Variants in H3C6 observed in about 807,000 individuals in gnomAD.
H3C6 encodes histone H3.1.
Under a neutral mutation model 8.0 loss-of-function variants are expected in H3C6, and 17 were observed. The ratio of observed to expected loss-of-function variants is 2.13; its 90% CI spans 1.46 to 3.19. The LOEUF is 3.19. Ranked by LOEUF, H3C6 falls within the 30% of genes most tolerant of loss-of-function variation. H3C6 has a pLI of 0.00. For missense variants in H3C6, 298 were observed against 193.8 expected, an observed-to-expected ratio of 1.54 and a Z score of -3.19; for synonymous variants, 169 against 78.0, an observed-to-expected ratio of 2.17 and a Z score of -6.15.
downstream of H3C6, chr6:26,226,754 T>C (rs1581467186): frequency 6.6e-6 from 1 of 152,212 alleles, no homozygotes; most frequent in African/African-American, 2.4e-5. Flanking sequence ...GGAAGGAAAA[T>C]AAGGAATTCT....
chr6:26,226,685 G>A (rs886250460), downstream of H3C6: 14 of 152,196 alleles, frequency 9.2e-5, no homozygotes, highest in African/African-American at 2.7e-4. Flanking sequence ...AGTTCTTACA[G>A]AAAATATTCT....
chr6:26,227,183 A>G (rs1759589165), downstream of H3C6: 1 of 152,220 alleles, frequency 6.6e-6, no homozygotes, highest in Non-Finnish European at 1.5e-5. Flanking sequence ...CTACTGTCAG[A>G]TATTTGTAAC....
At chr6:26,227,445 G>T (rs1432250276), downstream of H3C6, 1 of 152,102 alleles carries the variant, frequency 6.6e-6, no homozygotes, top group Non-Finnish European at 1.5e-5. Flanking sequence ...GTCAAGTTGA[G>T]ATGTAAAATA....
chr6:26,225,708 G>C (rs764758968), downstream of H3C6: 4 of 1,053,986 alleles, frequency 3.8e-6, no homozygotes, highest in African/African-American at 1.6e-5. Flanking sequence ...GTGGCATTCA[G>C]TTCCCTCGAT....
At chr6:26,225,939 G>C (rs560167836), downstream of H3C6, 1 of 175,020 alleles carries the variant, frequency 5.7e-6, no homozygotes, top group East Asian at 1.7e-4. Context: ...TCATGTGGTG[G>C]CCTGCATTTT....
rs771180198 is a variant in H3C6 at position 26,225,573 on chromosome 6, T to A, written c.*8T>A. On this transcript the variant is annotated 3_prime_UTR_variant, in exon 1 of 1. Coordinates refer to ENST00000614911, the MANE Select transcript of H3C6 (RefSeq NM_003532.3). Reference sequence around the variant, plus strand: ...CGTGGGGAGAGGGCGTGAATTGTTTTGAGTACAAACCTTAAATCCAAAGGC... The same window carrying A: ...CGTGGGGAGAGGGCGTGAATTGTTTAGAGTACAAACCTTAAATCCAAAGGC... 2 of 1,610,396 alleles carry A rather than the reference T, an allele frequency of 1.2e-6. No individual in the cohort carries two copies. Among genetic ancestry groups the A allele is most frequent in the Non-Finnish European group, 1.7e-6 (2 of 1,178,078 alleles).
downstream of H3C6, chr6:26,227,120 A>G (rs1223083218): frequency 6.6e-6 from 1 of 152,216 alleles, no homozygotes; most frequent in East Asian, 1.9e-4. Flanking sequence ...GGTCTTGTGA[A>G]TTGGAGATTC....
Position 26,225,552 on chromosome 6 carries a change from G to C in H3C6, c.398G>C (p.Gly133Ala), listed in dbSNP as rs370836132. Residue 133 changes from glycine (G) to alanine (A), a missense_variant, in exon 1 of 1, where the codon GGG becomes GCG. Gly to Ala is a moderately conservative substitution (Grantham distance 60). Coordinates refer to ENST00000614911, the MANE Select transcript of H3C6 (RefSeq NM_003532.3). ...ATCCAGCTTGCCCGCCGCATTCGTG[G>C]GGAGAGGGCGTGAATTGTTTTGAGT... is the stretch of plus-strand genomic sequence containing the variant. The part of the protein sequence containing the change: ...KDIQLARRIR[G>A]ERA 1.9e-6 allele frequency: 3 copies of C among 1,613,462 alleles called. No individual in the cohort carries two copies. The highest frequency in any genetic ancestry group is 2.5e-6 in the Non-Finnish European group (3 of 1,179,634).
chr6:26,225,493 T>A lies in H3C6; in HGVS notation c.339T>A (p.Ile113=), dbSNP rs1364158494. 1 of 1,614,134 alleles carries A rather than the reference T, an allele frequency of 6.2e-7. No individual in the cohort carries two copies. The highest frequency in any genetic ancestry group is 2.2e-5 in the East Asian group (1 of 44,900). The change falls in exon 1 of 1, where the codon ATT becomes ATA. Residue 113 remains isoleucine, a synonymous_variant. Transcript: ENST00000614911. ...TCGAGGACACCAACCTGTGCGCTAT[T>A]CATGCCAAACGCGTGACCATCATGC... is the stretch of plus-strand genomic sequence containing the variant. ...GLFEDTNLCA[I]HAKRVTIMPK...
At chr6:26,226,357 TTTTC>T (rs1240900036), downstream of H3C6, 3 of 142,518 alleles carry the variant, frequency 2.1e-5, no homozygotes, top group Non-Finnish European at 3.0e-5. Context: ...TGCTTTTTTC[TTTTC>T]TTATTTATTT....
chr6:26,225,035 A>C, upstream of H3C6: 1 of 1,070,392 alleles, frequency 9.3e-7, no homozygotes, highest in Non-Finnish European at 1.3e-6. Context: ...CTCTACGGCC[A>C]CTTCCGGAAT....
At position 26,225,222 on chromosome 6, in the gene H3C6, C is replaced by T. The variant is rs1765602125; in HGVS notation, c.68C>T (p.Thr23Ile). ...GGKAPRKQLA[T>I]KAARKSAPAT... Reference sequence around the variant, plus strand: ...AAAGCACCGCGCAAACAGCTGGCCACTAAGGCAGCTCGCAAGAGCGCTCCG... The same window carrying T: ...AAAGCACCGCGCAAACAGCTGGCCATTAAGGCAGCTCGCAAGAGCGCTCCG... The change falls in exon 1 of 1, where the codon ACT becomes ATT. Residue 23 changes from threonine to isoleucine, a missense_variant. By Grantham distance (89) the Thr-to-Ile change is moderately conservative. Coordinates refer to ENST00000614911, the MANE Select transcript of H3C6 (RefSeq NM_003532.3). The T allele has an allele frequency of 3.7e-6, 6 of 1,610,542 alleles. No homozygotes were observed. Among genetic ancestry groups the T allele is most frequent in the Non-Finnish European group, 5.1e-6 (6 of 1,177,990 alleles).
chr6:26,224,836 C>G (rs1330510929), upstream of H3C6: 1 of 182,760 alleles, frequency 5.5e-6, no homozygotes, highest in Non-Finnish European at 1.1e-5. Flanking sequence ...CAAACACATT[C>G]GATTTTTTAT....
chr6:26,224,662 G>C (rs1053723438), upstream of H3C6, among the ~76,000 whole-genome samples: 2 of 152,104 alleles, frequency 1.3e-5, no homozygotes, highest in East Asian at 1.9e-4. Flanking sequence ...AGAAAACCTT[G>C]TTTGAGTGAA....
chr6:26,226,701 T>G (rs1015676163), downstream of H3C6: 2 of 152,242 alleles, frequency 1.3e-5, no homozygotes, highest in African/African-American at 4.8e-5. Flanking sequence ...ATTCTGCCTT[T>G]CCTTTCCATA....
At chr6:26,227,119 A>C (rs1759588442), downstream of H3C6, 1 of 152,200 alleles carries the variant, frequency 6.6e-6, no homozygotes, top group Non-Finnish European at 1.5e-5. Flanking sequence ...GGGTCTTGTG[A>C]ATTGGAGATT....
chr6:26,224,343 C>T (rs1318014116), upstream of H3C6: 2 of 152,216 alleles, frequency 1.3e-5, no homozygotes, highest in East Asian at 1.9e-4. Flanking sequence ...TTGGATGTGT[C>T]TTAAATTGTT....
rs1759515334 is a variant in H3C6 at position 26,225,472 on chromosome 6, G to A, written c.318G>A (p.Glu106=). 6.2e-7 allele frequency: 1 copy of A among 1,614,228 alleles called. No homozygotes were observed. Among genetic ancestry groups the A allele is most frequent in the Non-Finnish European group, 8.5e-7 (1 of 1,180,036 alleles). ...AGGCCTACTTGGTGGGGCTTTTCGAGGACACCAACCTGTGCGCTATTCATG... is the reference window on the plus strand; with the variant it reads ...AGGCCTACTTGGTGGGGCTTTTCGAAGACACCAACCTGTGCGCTATTCATG... The part of the protein sequence containing the change: ...ACEAYLVGLF[E]DTNLCAIHAK... The change falls in exon 1 of 1, where the codon GAG becomes GAA. Residue 106 remains glutamate (E), a synonymous_variant. Coordinates refer to ENST00000614911, the MANE Select transcript of H3C6 (RefSeq NM_003532.3).
downstream of H3C6, chr6:26,226,382 T>G (rs1312880239): frequency 1.6e-5 from 2 of 121,800 alleles, no homozygotes; most frequent in African/African-American, 3.2e-5. Context: ...ATTTATTTAT[T>G]TATTTATTTA....
Sources: gnomAD v4.1 joint callset for allele counts (sites outside exome capture counted in the v4.1 genomes callset) on GRCh38, gnomAD v4.1.1 for gene constraint, MANE v1.5 for transcripts, NCBI Gene and HGNC (gene_info 2026-07-23, HGNC 2026-07-21) for gene names.